The following SLC2A2 variants were observed in gnomAD, a reference collection of about 807,000 sequenced individuals.
SLC2A2 encodes solute carrier family 2 member 2, also known as solute carrier family 2, facilitated glucose transporter member 2.
In SLC2A2, 36 loss-of-function variants were observed where a neutral mutation model predicts 54.5. That is an observed-to-expected ratio of 0.66 (90% CI 0.51 to 0.87). The LOEUF (loss-of-function observed/expected upper bound fraction) is 0.87. Ranked by LOEUF, SLC2A2 falls within the 40% of genes least tolerant of loss-of-function variation. The pLI is 0.00. For synonymous variants in SLC2A2, 223 were observed against 219.1 expected, an observed-to-expected ratio of 1.02 and a Z score of -0.16; for missense variants, 543 against 624.3, an observed-to-expected ratio of 0.87 and a Z score of 1.39.
intron 3 of SLC2A2, among the ~76,000 whole-genome samples, chr3:171,011,158 G>A (rs909464923): frequency 1.3e-5 from 2 of 151,992 alleles, no homozygotes; most frequent in Non-Finnish European, 2.9e-5. Flanking sequence ...CAACATCCAC[G>A]TGATAGGCTA....
Position 171,005,183 on chromosome 3 carries a change from C to T in SLC2A2, c.963+102G>A, listed in dbSNP as rs1715533563. 4.2e-6 allele frequency: 4 copies of T among 962,652 alleles called. No homozygotes were observed. The South Asian group carries it at 5.2e-5, about 13-fold the overall frequency. 59.6% of individuals were successfully genotyped at this position (962,652 alleles called of 1,614,324 possible). On this transcript the variant is annotated intron_variant, in intron 7 of 10. Transcript: ENST00000314251. ...TTTGTTATAGCAAGACCCATGATGC[C>T]AATACCTTAAAATATCTTTTAGCTA...
Position 171,014,518 on chromosome 3 carries a change from C to T in SLC2A2, c.322G>A (p.Gly108Arg), listed in dbSNP as rs1716035822. The change falls in exon 3 of 11, where the codon GGA (glycine) becomes AGA (arginine). Residue 108 changes from glycine to arginine, a missense_variant. Physicochemically the swap from Gly to Arg is moderately radical, Grantham distance 125 (BLOSUM62 -2). Around this residue, in one of 3 missense-constraint regions of SLC2A2, gnomAD observed 318 missense variants for 343.8 expected, o/e 0.93. Coordinates refer to ENST00000314251, the MANE Select transcript of SLC2A2 (RefSeq NM_000340.2). ...CCACCAAAGAATGATGCAGTCATTC[C>T]ACCAACTGCAAAGCTGGATACAGAC... is the stretch of plus-strand genomic sequence containing the variant. The part of the protein sequence containing the change: ...SLSVSSFAVG[G>R]MTASFFGGWL... The T allele has an allele frequency of 6.2e-7, 1 of 1,614,050 alleles. No individual in the cohort carries two copies. The highest frequency in any genetic ancestry group is 2.2e-5 in the East Asian group (1 of 44,884).
intron 6 of SLC2A2, 47 bp downstream of exon 6, chr3:171,005,896 A>T (rs1334635569): frequency 5.1e-6 from 8 of 1,564,304 alleles, no homozygotes; most frequent in African/African-American, 2.7e-5. Context: ...ACATTAGCTG[A>T]TAATGCCAAA....
At chr3:171,025,789 TG>T (rs1420780597) in intron 1 of SLC2A2, among the ~76,000 whole-genome samples, 1 of 152,114 alleles carries the variant, frequency 6.6e-6, no homozygotes, top group Non-Finnish European at 1.5e-5. Context: ...TGTACAGGGG[TG>T]GGTGAGTTTA....
At position 170,998,328 on chromosome 3, in the gene SLC2A2, A is replaced by G; in HGVS notation, c.1239T>C (p.Ile413=). ...AIFLFVSFFE[I]GPGPIPWFMV... ...TGAACCAGGGGATCGGGCCTGGCCC[A>G]ATTTCAAAGAAGCTGACAAAGAGGA... Residue 413 remains isoleucine, a synonymous_variant, in exon 10 of 11, where the codon ATT becomes ATC. Transcript: ENST00000314251. The G allele has an allele frequency of 6.2e-7, 1 of 1,613,796 alleles. No individual in the cohort carries two copies. The highest frequency in any genetic ancestry group is 1.1e-5 in the South Asian group (1 of 91,076).
chr3:171,010,384 C>T (rs1463591469), intron 3 of SLC2A2, among the ~76,000 whole-genome samples: 2 of 152,112 alleles, frequency 1.3e-5, no homozygotes, highest in Non-Finnish European at 2.9e-5. Flanking sequence ...AGTGCAAAGG[C>T]ACCATCATGG....
At chr3:171,001,110 C>T (rs1453734418) in intron 8 of SLC2A2, among the ~76,000 whole-genome samples, 1 of 151,986 alleles carries the variant, frequency 6.6e-6, no homozygotes, top group African/African-American at 2.4e-5. Context: ...CAACTCCTCC[C>T]ACATCAGTGG....
At chr3:171,014,335 C>T (rs1224090881) in intron 3 of SLC2A2, 134 bp downstream of exon 3, 12 of 900,316 alleles carry the variant, frequency 1.3e-5, no homozygotes, top group Non-Finnish European at 2.1e-5. Context: ...ACTGATATGC[C>T]TCATAGGGTC....
chr3:171,006,206 C>G, intron 5 of SLC2A2, 101 bp from the exon 6 acceptor site: 3 of 1,069,666 alleles, frequency 2.8e-6, no homozygotes, highest in Non-Finnish European at 4.1e-6. Flanking sequence ...ATAGTAGTCT[C>G]TGACAACTTT....
intron 5 of SLC2A2, 46 bp from the exon 6 acceptor site, chr3:171,006,151 T>C (rs929202109): frequency 6.4e-7 from 1 of 1,562,224 alleles, no homozygotes; most frequent in Non-Finnish European, 8.8e-7. Flanking sequence ...ATACTTTGGA[T>C]CTACCTTTTA....
At chr3:171,014,219 G>A (rs2108255969) in intron 3 of SLC2A2, among the ~76,000 whole-genome samples, 1 of 152,190 alleles carries the variant, frequency 6.6e-6, no homozygotes, top group East Asian at 1.9e-4. Flanking sequence ...AAAGCTAGAG[G>A]ATCAAAGCAA....
At chr3:171,022,069 C>T (rs545101292) in intron 1 of SLC2A2, among the ~76,000 whole-genome samples, 136 of 152,308 alleles carry the variant, frequency 8.9e-4, no homozygotes, top group African/African-American at 3.2e-3. Flanking sequence ...CAGGTTCTGG[C>T]AATGCAGCTG....
At chr3:171,006,986 T>C (rs1019233057) in intron 5 of SLC2A2, among the ~76,000 whole-genome samples, 162 bp downstream of exon 5, 4 of 151,988 alleles carry the variant, frequency 2.6e-5, no homozygotes, top group African/African-American at 9.7e-5. Context: ...ACTGGTAGAA[T>C]TGGCTTTTCT....
In SLC2A2 at chr3:170,997,899, T is replaced by G; in HGVS notation, c.*4A>C. 1 of 1,611,382 alleles carries G rather than the reference T, an allele frequency of 6.2e-7. No homozygotes were observed. Among genetic ancestry groups the G allele is most frequent in the South Asian group, 1.1e-5 (1 of 90,542 alleles). ...TGTTCATGTCAAAAAGCAGGGTTTT[T>G]TTTTTACACAGTCTCTGTAGCTCCT... is the stretch of plus-strand genomic sequence containing the variant. On this transcript the variant is annotated 3_prime_UTR_variant, in exon 11 of 11. Transcript: ENST00000314251.
At chr3:171,018,476 A>T in intron 2 of SLC2A2, 55 bp downstream of exon 2, 2 of 1,181,578 alleles carry the variant, frequency 1.7e-6, no homozygotes, top group Non-Finnish European at 2.5e-6. Context: ...GGAACATATG[A>T]TATCTATCAC....
In SLC2A2 at chr3:171,012,112, G is replaced by A. The variant is rs993673052; in HGVS notation, c.372-2030C>T. ...TATTGTCGTGGTCATGGTCATTGTCGTCATCATCATCATCATCATCATCAT... is the reference window on the plus strand; with the variant it reads ...TATTGTCGTGGTCATGGTCATTGTCATCATCATCATCATCATCATCATCAT... On this transcript the variant is annotated intron_variant, in intron 3 of 10. Transcript: ENST00000314251. Among the ~76,000 whole-genome samples the A allele has an allele frequency of 7.9e-5, 12 of 151,718 alleles. No homozygotes were observed. The East Asian group carries it at 1.4e-3, about 17-fold the overall frequency.
Position 170,998,268 on chromosome 3 carries a change from A to T in SLC2A2, c.1299T>A (p.Pro433=). 1 of 1,613,870 alleles carries T rather than the reference A, an allele frequency of 6.2e-7. No individual in the cohort carries two copies. Among genetic ancestry groups the T allele is most frequent in the Non-Finnish European group, 8.5e-7 (1 of 1,179,824 alleles). The part of the protein sequence containing the change: ...VAEFFSQGPR[P]AALAIAAFSN... ...TGAATGCAGCTATTGCTAAAGCAGCAGGACGTGGTCCTTGACTGAAAAACT... is the reference window on the plus strand; with the variant it reads ...TGAATGCAGCTATTGCTAAAGCAGCTGGACGTGGTCCTTGACTGAAAAACT... Residue 433 remains proline (P), a synonymous_variant, in exon 10 of 11, where the codon CCT becomes CCA. Transcript: ENST00000314251.
chr3:170,997,499 T>C lies in SLC2A2; in HGVS notation c.*404A>G, dbSNP rs1321459315. 1 of 185,472 alleles carries C rather than the reference T, an allele frequency of 5.4e-6. No homozygotes were observed. The highest frequency in any genetic ancestry group is 5.6e-5 in the Admixed American group (1 of 17,830). The allele number at this position is 185,472 out of a possible 1,614,324, so 11.5% of individuals were successfully genotyped here. A position where few individuals can be genotyped will look rare whatever the true frequency, so the allele number is the denominator to read the frequency against. On this transcript the variant is annotated 3_prime_UTR_variant, in exon 11 of 11. Transcript: ENST00000314251. Reference sequence around the variant, plus strand: ...GCCATATCTCCTTTAACATAAGATATATGGGTAAGAAAATTCCAATTTAAT... The same window carrying C: ...GCCATATCTCCTTTAACATAAGATACATGGGTAAGAAAATTCCAATTTAAT...
chr3:170,996,864 T>A lies in SLC2A2; in HGVS notation c.*1039A>T. On this transcript the variant is annotated 3_prime_UTR_variant, in exon 11 of 11. Coordinates refer to ENST00000314251, the MANE Select transcript of SLC2A2 (RefSeq NM_000340.2). Reference sequence around the variant, plus strand: ...TTGATAAAAGTCTGAAGCTGAACATTTATGAAGTTTCAGAAGCCCACACTC... The same window carrying A: ...TTGATAAAAGTCTGAAGCTGAACATATATGAAGTTTCAGAAGCCCACACTC... The A allele has an allele frequency of 2.6e-6, 1 of 388,126 alleles. No individual in the cohort carries two copies. The highest frequency in any genetic ancestry group is 4.6e-6 in the Non-Finnish European group (1 of 219,462). 24.0% of individuals were successfully genotyped at this position (388,126 alleles called of 1,614,324 possible).
Sources: gnomAD v4.1 joint callset for allele counts (sites outside exome capture counted in the v4.1 genomes callset) on GRCh38, gnomAD v4.1.1 for gene constraint, gnomAD v4.1.1 regional missense constraint, MANE v1.5 for transcripts, NCBI Gene and HGNC (gene_info 2026-07-23, HGNC 2026-07-21) for gene names.